The following FBLN1 variants were observed in gnomAD, a reference collection of about 807,000 sequenced individuals.
FBLN1 encodes the protein fibulin 1.
A neutral mutation model predicts 89.7 loss-of-function variants in FBLN1; 34 were observed. That is an observed-to-expected ratio of 0.38 (90% CI 0.29 to 0.50). The LOEUF (loss-of-function observed/expected upper bound fraction) is 0.50, where lower values mean the gene tolerates loss of function less well. Among genes scored for constraint, FBLN1 ranks in the 20% least tolerant of loss-of-function variants. FBLN1 has a pLI of 0.92. For missense variants in FBLN1, 777 were observed against 988.1 expected (o/e 0.79, Z 2.86); for synonymous variants, 393 against 391.3 (o/e 1.00, Z -0.05).
intron 1 of FBLN1, among the ~76,000 whole-genome samples, chr22:45,511,182 T>C (rs2146940732): frequency 6.6e-6 from 1 of 151,124 alleles, no homozygotes; most frequent in Non-Finnish European, 1.5e-5. Flanking sequence ...GAGACAGAGT[T>C]TCGCTCTTGT....
At chr22:45,528,636 T>G (rs749619409) in intron 4 of FBLN1, among the ~76,000 whole-genome samples, 2 of 152,180 alleles carry the variant, frequency 1.3e-5, no homozygotes, top group Non-Finnish European at 2.9e-5. Context: ...TGAGCCATCG[T>G]GCCTGGCCAA....
intron 2 of FBLN1, among the ~76,000 whole-genome samples, chr22:45,520,589 T>G (rs928381352): frequency 3.3e-5 from 5 of 152,168 alleles, no homozygotes; most frequent in South Asian, 2.1e-4. Flanking sequence ...AGATAGATTT[T>G]GGGAAGACAC....
intron 14 of FBLN1, among the ~76,000 whole-genome samples, chr22:45,570,184 G>A (rs182336359): frequency 4.6e-5 from 7 of 151,764 alleles, no homozygotes; most frequent in African/African-American, 1.7e-4. Context: ...GCCAGGCATG[G>A]TGGCAGGTGC....
At chr22:45,541,208 C>A in intron 8 of FBLN1, 21 bp from the exon 9 acceptor site, 1 of 1,614,188 alleles carries the variant, frequency 6.2e-7, no homozygotes. Context: ...ACCACATGGT[C>A]TCTGTCTTTT....
In FBLN1 at chr22:45,536,813, T is replaced by A. The variant is rs973681202; in HGVS notation, c.922+1476T>A. On this transcript the variant is annotated intron_variant, in intron 8 of 16. Transcript: ENST00000327858. The surrounding 1 kb of genome is among the most constrained non-coding windows in gnomAD (Gnocchi z 5.1). ...TGCTGATATCAGAGAAATACTAATATGAAAAGAGAGAATCCCATGTGAACT... is the reference window on the plus strand; with the variant it reads ...TGCTGATATCAGAGAAATACTAATAAGAAAAGAGAGAATCCCATGTGAACT... Among the ~76,000 whole-genome samples the A allele has an allele frequency of 2.0e-5, 3 of 151,572 alleles. No individual in the cohort carries two copies. Among genetic ancestry groups the A allele is most frequent in the South Asian group, 2.1e-4 (1 of 4,802 alleles).
chr22:45,562,826 G>GCCCCGCAT lies in FBLN1; in HGVS notation c.1698-11678_1698-11671dup. ...GGGCGGCGGGAGGCCCCGCCTGCCA[G>GCCCCGCAT]CCCCGCATCCCCGCGCTCTGCCGTT... is the stretch of plus-strand genomic sequence containing the variant. On this transcript the variant is annotated intron_variant, in intron 14 of 16. Transcript: ENST00000327858. The surrounding 1 kb of genome is among the most constrained non-coding windows in gnomAD (Gnocchi z 7.8). 7.4e-7 allele frequency: 1 copy of GCCCCGCAT among 1,354,022 alleles called. No individual in the cohort carries two copies. The highest frequency in any genetic ancestry group is 1.0e-6 in the Non-Finnish European group (1 of 955,410). The allele number at this position is 1,354,022 out of a possible 1,614,324, so 83.9% of individuals were successfully genotyped here. A position where few individuals can be genotyped will look rare whatever the true frequency, so the allele number is the denominator to read the frequency against.
chr22:45,574,777 C>CTTT lies in FBLN1; in HGVS notation c.1840+144_1840+146dup, dbSNP rs756869112. On this transcript the variant is annotated intron_variant, in intron 15 of 16. Coordinates refer to ENST00000327858, the MANE Select transcript of FBLN1 (RefSeq NM_006486.3). This position sits in a 1 kb window ranked among gnomAD's most constrained non-coding sequence, Gnocchi z 4.1. ...CCCAGGCTTTGAAATGCAGAACTTT[C>CTTT]TTTTTTTTTTTTTTTTTTTTTTGAG... 2.4e-3 allele frequency: 1,101 copies of CTTT among 450,054 alleles called. No homozygotes were observed. Among genetic ancestry groups the CTTT allele is most frequent in the East Asian group, 3.2e-3 (77 of 24,218 alleles). The allele number at this position is 450,054 out of a possible 1,614,324, so 27.9% of individuals were successfully genotyped here. A position where few individuals can be genotyped will look rare whatever the true frequency, so the allele number is the denominator to read the frequency against.
intron 14 of FBLN1, among the ~76,000 whole-genome samples, chr22:45,560,712 T>G (rs988997632): frequency 1.3e-5 from 2 of 152,234 alleles, no homozygotes; most frequent in Admixed American, 1.3e-4. Context: ...GTTCTCCAGA[T>G]TAGTTTCTAT....
rs2147031563 is a variant in FBLN1, at chr22:45,579,254, C to G, written c.1972+2146C>G. Reference sequence around the variant, plus strand: ...ATCCTGGCATGTCAGAGCCTGGAGGCTCCTAGAGACCATCCCTTCCTTCTT... The same window carrying G: ...ATCCTGGCATGTCAGAGCCTGGAGGGTCCTAGAGACCATCCCTTCCTTCTT... On this transcript the variant is annotated intron_variant, in intron 16 of 16. Coordinates refer to ENST00000327858, the MANE Select transcript of FBLN1 (RefSeq NM_006486.3). This position sits in a 1 kb window ranked among gnomAD's most constrained non-coding sequence, Gnocchi z 5.5. 6.6e-6 allele frequency among the ~76,000 whole-genome samples: 1 copy of G among 152,368 alleles called. No individual in the cohort carries two copies. Among genetic ancestry groups the G allele is most frequent in the Non-Finnish European group, 1.5e-5 (1 of 68,026 alleles).
In FBLN1 at chr22:45,547,167, C is replaced by T. The variant is rs2088640181; in HGVS notation, c.1404C>T (p.Gly468=). The T allele has an allele frequency of 6.2e-7, 1 of 1,613,994 alleles. No homozygotes were observed. Among genetic ancestry groups the T allele is most frequent in the Non-Finnish European group, 8.5e-7 (1 of 1,180,038 alleles). ...CCTACCAGTGTTACTGCCGGCGAGG[C>T]TACCAGCTCAGCGATGTGGATGGAG... ...YGSYQCYCRR[G]YQLSDVDGVT... The change falls in exon 12 of 17, where the codon GGC becomes GGT. Residue 468 remains glycine (G), a synonymous_variant. Coordinates refer to ENST00000327858, the MANE Select transcript of FBLN1 (RefSeq NM_006486.3).
intron 8 of FBLN1, 156 bp downstream of exon 8, chr22:45,535,493 A>T (rs1448827461): frequency 3.6e-6 from 3 of 835,566 alleles, no homozygotes; most frequent in Non-Finnish European, 5.8e-6. Context: ...TAGAGCAAAT[A>T]CTTTAGCCGT....
At chr22:45,516,518 A>G (rs2088171972) in intron 1 of FBLN1, among the ~76,000 whole-genome samples, 1 of 152,260 alleles carries the variant, frequency 6.6e-6, no homozygotes, top group Non-Finnish European at 1.5e-5. Flanking sequence ...TATCCCCATG[A>G]TAACACGGTT....
At chr22:45,548,479 G>A in intron 12 of FBLN1, 134 bp from the exon 13 acceptor site, 1 of 1,211,284 alleles carries the variant, frequency 8.3e-7, no homozygotes, top group Non-Finnish European at 1.2e-6. Context: ...TGGTCTCTGA[G>A]GCTTCCTGTG....
rs1379723246 is a variant in FBLN1 at position 45,532,229 on chromosome 22, C to T, written c.545-834C>T. Among the ~76,000 whole-genome samples the T allele has an allele frequency of 6.6e-6, 1 of 152,040 alleles. No individual in the cohort carries two copies. The highest frequency in any genetic ancestry group is 2.4e-5 in the African/African-American group (1 of 41,370). On this transcript the variant is annotated intron_variant, in intron 5 of 16. Coordinates refer to ENST00000327858, the MANE Select transcript of FBLN1 (RefSeq NM_006486.3). The surrounding 1 kb of genome is among the most constrained non-coding windows in gnomAD (Gnocchi z 4.2). ...AGGGAGGAAGGGAGTGACCTAGAGCCCCAGCAAGCCTCAGGGCTATGGGAG... is the reference window on the plus strand; with the variant it reads ...AGGGAGGAAGGGAGTGACCTAGAGCTCCAGCAAGCCTCAGGGCTATGGGAG...
chr22:45,595,809 G>C (rs922787302), intron 16 of FBLN1, among the ~76,000 whole-genome samples: 7 of 152,306 alleles, frequency 4.6e-5, no homozygotes, highest in African/African-American at 1.7e-4. Flanking sequence ...GAAAGAAAAA[G>C]GATGACATCG....
At chr22:45,503,500 G>A (rs1473124365) in intron 1 of FBLN1, 1 of 153,276 alleles carries the variant, frequency 6.5e-6, no homozygotes, top group Non-Finnish European at 1.5e-5. Flanking sequence ...GGTAGGAGCT[G>A]TTGTACCCAG....
chr22:45,544,648 A>T (rs979811852), intron 11 of FBLN1, among the ~76,000 whole-genome samples: 1 of 152,178 alleles, frequency 6.6e-6, no homozygotes, highest in African/African-American at 2.4e-5. Flanking sequence ...GGCAGCATTG[A>T]TCTTTCTCAG....
chr22:45,519,082 CTT>C (rs2088211840), intron 2 of FBLN1, among the ~76,000 whole-genome samples: 1 of 115,934 alleles, frequency 8.6e-6, no homozygotes. Flanking sequence ...TCAGTTTTCT[CTT>C]TTAAAAAAGG....
chr22:45,526,115 G>A (rs2088324662), intron 3 of FBLN1, among the ~76,000 whole-genome samples: 1 of 152,206 alleles, frequency 6.6e-6, no homozygotes, highest in African/African-American at 2.4e-5. Context: ...CCCTCACTAA[G>A]ACCTCTGATA....
Sources: allele counts gnomAD v4.1 joint callset (sites outside exome capture counted in the v4.1 genomes callset), GRCh38; gene constraint gnomAD v4.1.1; non-coding constraint Gnocchi (gnomAD v3.1); transcripts MANE v1.5; gene names NCBI Gene and HGNC (gene_info 2026-07-23, HGNC 2026-07-21).